ENOX1: variants seen among roughly 807,000 people sequenced by gnomAD.
The protein encoded by ENOX1 is candidate growth-related and time keeping constitutive hydroquinone (NADH) oxidase.
ENOX1 carries 42 observed loss-of-function variants against 82.5 expected under a neutral mutation model. The ratio of observed to expected loss-of-function variants is 0.51; its 90% CI spans 0.40 to 0.66. ENOX1 has a LOEUF of 0.66. Ranked by LOEUF, ENOX1 falls within the 30% of genes least tolerant of loss-of-function variation. The pLI is 0.00. For missense variants in ENOX1, 608 were observed against 811.6 expected, an observed-to-expected ratio of 0.75 and a Z score of 3.05; for synonymous variants, 271 against 282.2, an observed-to-expected ratio of 0.96 and a Z score of 0.40.
chr13:43,734,175 G>A (rs895539888), intron 1 of ENOX1, among the ~76,000 whole-genome samples: 3 of 151,906 alleles, frequency 2.0e-5, no homozygotes, highest in African/African-American at 4.8e-5. Context: ...CTAGCCTCTG[G>A]AACTAAGAGA....
At chr13:43,292,394 C>G (rs1029624567) in intron 12 of ENOX1, among the ~76,000 whole-genome samples, 30 of 152,252 alleles carry the variant, frequency 2.0e-4, no homozygotes, top group African/African-American at 7.0e-4. Flanking sequence ...CTATTAGGTC[C>G]ATTATCTGAC....
chr13:43,333,802 T>C (rs2048546979), intron 9 of ENOX1, among the ~76,000 whole-genome samples: 1 of 152,196 alleles, frequency 6.6e-6, no homozygotes, highest in South Asian at 2.1e-4. Context: ...TTTGTATTTT[T>C]AGTAGAGACG....
intron 1 of ENOX1, among the ~76,000 whole-genome samples, chr13:43,673,253 C>T (rs2085354142): frequency 6.6e-6 from 1 of 151,854 alleles, no homozygotes; most frequent in Non-Finnish European, 1.5e-5. Flanking sequence ...TCAAATCATG[C>T]TTACAAAACA....
At chr13:43,674,017 T>G (rs1414827588) in intron 1 of ENOX1, among the ~76,000 whole-genome samples, 1 of 152,110 alleles carries the variant, frequency 6.6e-6, no homozygotes, top group Non-Finnish European at 1.5e-5. Context: ...AAGTCAAAGG[T>G]GAACAAGAAA....
intron 5 of ENOX1, among the ~76,000 whole-genome samples, chr13:43,377,245 G>A (rs1158443309): frequency 3.3e-5 from 5 of 152,040 alleles, no homozygotes; most frequent in Admixed American, 6.6e-5. Flanking sequence ...AAAAAGATAA[G>A]GTCAGTCCCC....
chr13:43,441,367 C>T (rs965878271), intron 3 of ENOX1, among the ~76,000 whole-genome samples: 1 of 152,032 alleles, frequency 6.6e-6, no homozygotes, highest in East Asian at 1.9e-4. Context: ...CTTACAAGGG[C>T]TGTATGTTTT....
intron 1 of ENOX1, among the ~76,000 whole-genome samples, chr13:43,702,725 T>C (rs936778700): frequency 6.6e-6 from 1 of 151,666 alleles, no homozygotes; most frequent in Non-Finnish European, 1.5e-5. Context: ...CCGAGGTGGG[T>C]GGATCACTTG....
chr13:43,307,347 AC>A (rs2046926183), intron 11 of ENOX1, among the ~76,000 whole-genome samples: 1 of 152,180 alleles, frequency 6.6e-6, no homozygotes, highest in Non-Finnish European at 1.5e-5. Flanking sequence ...TAAATGAGAA[AC>A]CTGGGACTCA....
chr13:43,456,807 T>C (rs1414046119), intron 3 of ENOX1, among the ~76,000 whole-genome samples: 2 of 152,186 alleles, frequency 1.3e-5, no homozygotes, highest in Admixed American at 1.3e-4. Flanking sequence ...ATATACTCTG[T>C]TGGTCTGAAG....
At position 43,725,501 on chromosome 13, in the gene ENOX1, C is replaced by T. The variant is rs4453365; in HGVS notation, c.-284-57957G>A. ...GTATCAGCCAAAGTCTGCTCCTCTC[C>T]GAGACAAGGACAAGAGCTGGATGCA... On this transcript the variant is annotated intron_variant, in intron 1 of 16. Transcript: ENST00000690772. 3.1e-3 allele frequency among the ~76,000 whole-genome samples: 469 copies of T among 152,150 alleles called. 2 individuals are homozygous for T. Among genetic ancestry groups the T allele is most frequent in the African/African-American group, 0.01 (424 of 41,508 alleles).
At chr13:43,636,199 C>T (rs1274945728) in intron 2 of ENOX1, among the ~76,000 whole-genome samples, 1 of 152,186 alleles carries the variant, frequency 6.6e-6, no homozygotes, top group Non-Finnish European at 1.5e-5. Flanking sequence ...GTCCCATGCT[C>T]ATGGTCACGC....
chr13:43,551,991 C>T (rs1403337562), intron 2 of ENOX1, among the ~76,000 whole-genome samples: 4 of 152,140 alleles, frequency 2.6e-5, no homozygotes, highest in Non-Finnish European at 5.9e-5. Context: ...TAATGTCCTG[C>T]TGGCCTGACC....
At chr13:43,309,038 T>G (rs913512187) in intron 11 of ENOX1, among the ~76,000 whole-genome samples, 10 of 140,762 alleles carry the variant, frequency 7.1e-5, no homozygotes, top group Middle Eastern at 7.5e-3. Context: ...TTTTTTTTTT[T>G]TTTTTTCCAG....
chr13:43,557,335 T>A (rs925393889), intron 2 of ENOX1, among the ~76,000 whole-genome samples: 5 of 152,152 alleles, frequency 3.3e-5, no homozygotes, highest in African/African-American at 1.2e-4. Context: ...TCAGGAAGCC[T>A]GTTTCTTATA....
At chr13:43,708,751 G>A (rs2087487713) in intron 1 of ENOX1, among the ~76,000 whole-genome samples, 1 of 152,110 alleles carries the variant, frequency 6.6e-6, no homozygotes, top group Non-Finnish European at 1.5e-5. Context: ...AACCCAGGAC[G>A]ATTCATAGAG....
At chr13:43,706,581 G>A (rs1294925540) in intron 1 of ENOX1, among the ~76,000 whole-genome samples, 1 of 151,832 alleles carries the variant, frequency 6.6e-6, no homozygotes, top group African/African-American at 2.4e-5. Flanking sequence ...AAAAATACAA[G>A]ATTAGTTCAA....
chr13:43,432,598 G>A (rs555171413), intron 3 of ENOX1, among the ~76,000 whole-genome samples: 60 of 152,242 alleles, frequency 3.9e-4, no homozygotes, highest in African/African-American at 1.0e-3. Flanking sequence ...AGCTGAGATT[G>A]TACCACTGCA....
chr13:43,417,240 G>GAGGGAGAGGGA (rs1433311558), intron 3 of ENOX1, among the ~76,000 whole-genome samples: 1,931 of 31,290 alleles, frequency 0.062, 68 homozygotes, highest in African/African-American at 0.17. Context: ...GGAGACGGGA[G>GAGGGAGAGGGA]ACGGGAGAGG....
At chr13:43,296,161 C>A (rs1306076159) in intron 12 of ENOX1, among the ~76,000 whole-genome samples, 1 of 152,198 alleles carries the variant, frequency 6.6e-6, no homozygotes, top group Admixed American at 6.5e-5. Context: ...TGCCCCCCAG[C>A]CCCAAATCCA....
Sources: allele counts gnomAD v4.1 joint callset (sites outside exome capture counted in the v4.1 genomes callset), GRCh38; gene constraint gnomAD v4.1.1; transcripts MANE v1.5; gene names NCBI Gene and HGNC (gene_info 2026-07-23, HGNC 2026-07-21).